The following KSR2 variants were observed in gnomAD, a reference collection of about 807,000 sequenced individuals.
The protein encoded by KSR2 is kinase suppressor of ras 2.
A neutral mutation model predicts 107.8 loss-of-function variants in KSR2; 25 were observed. The ratio of observed to expected loss-of-function variants is 0.23; its 90% CI spans 0.17 to 0.32. KSR2 has a LOEUF of 0.32. Ranked by LOEUF, KSR2 falls within the 10% of genes least tolerant of loss-of-function variation. KSR2 has a pLI of 1.00. For missense variants in KSR2, 887 were observed against 1,268.9 expected, an observed-to-expected ratio of 0.70 and a Z score of 4.57; for synonymous variants, 480 against 507.0, an observed-to-expected ratio of 0.95 and a Z score of 0.71.
chr12:117,918,214 T>C (rs16948034), intron 1 of KSR2, among the ~76,000 whole-genome samples: 19,236 of 152,266 alleles, frequency 0.13, 1,478 homozygotes, highest in South Asian at 0.22. Flanking sequence ...TATGGCTTCC[T>C]TGGCACCTCC....
At chr12:117,670,421 G>A (rs1305574877) in intron 4 of KSR2, among the ~76,000 whole-genome samples, 5 of 152,172 alleles carry the variant, frequency 3.3e-5, no homozygotes, top group Non-Finnish European at 7.3e-5. Flanking sequence ...TAAGGGATGT[G>A]GTGAAGGTGG....
intron 3 of KSR2, among the ~76,000 whole-genome samples, chr12:117,817,848 C>T (rs1891427405): frequency 6.6e-6 from 1 of 152,182 alleles, no homozygotes; most frequent in Non-Finnish European, 1.5e-5. Flanking sequence ...CACCTGTAAT[C>T]CCAGCACTTT....
intron 19 of KSR2, chr12:117,467,958 T>G: frequency 3.0e-6 from 1 of 328,478 alleles, no homozygotes; most frequent in Non-Finnish European, 5.6e-6. Flanking sequence ...CACAATAAAA[T>G]ATAGAAAGAG....
At chr12:117,739,373 A>C (rs1052743286) in intron 4 of KSR2, among the ~76,000 whole-genome samples, 1 of 152,200 alleles carries the variant, frequency 6.6e-6, no homozygotes, top group African/African-American at 2.4e-5. Context: ...AATTGAATAA[A>C]ATTAAAAAAT....
At chr12:117,615,413 C>G (rs1392368163) in intron 5 of KSR2, among the ~76,000 whole-genome samples, 1 of 152,124 alleles carries the variant, frequency 6.6e-6, no homozygotes, top group African/African-American at 2.4e-5. Flanking sequence ...GCTACCAGCC[C>G]CCATTACCTA....
intron 5 of KSR2, among the ~76,000 whole-genome samples, chr12:117,638,320 A>G (rs1198307945): frequency 6.6e-6 from 1 of 152,210 alleles, no homozygotes; most frequent in East Asian, 1.9e-4. Flanking sequence ...AAGATCAACA[A>G]TGAACAACAC....
intron 3 of KSR2, among the ~76,000 whole-genome samples, chr12:117,848,125 A>G (rs956263669): frequency 6.6e-6 from 1 of 152,262 alleles, no homozygotes; most frequent in Non-Finnish European, 1.5e-5. Context: ...GGGAAAGGAA[A>G]GATACAGATG....
chr12:117,951,371 G>A (rs562341464), intron 1 of KSR2, among the ~76,000 whole-genome samples: 30 of 152,136 alleles, frequency 2.0e-4, no homozygotes, highest in Admixed American at 3.9e-4. Context: ...AAACTTGCTC[G>A]GCCTCCTGAT....
chr12:117,667,364 C>T (rs369684211), intron 5 of KSR2, 110 bp downstream of exon 5: 3 of 1,047,942 alleles, frequency 2.9e-6, no homozygotes, highest in African/African-American at 3.2e-5. Flanking sequence ...TTTCACAAGC[C>T]CTTGAGATAA....
intron 1 of KSR2, among the ~76,000 whole-genome samples, chr12:117,942,659 T>C (rs981973076): frequency 1.4e-4 from 20 of 144,254 alleles, no homozygotes; most frequent in Admixed American, 4.9e-4. Flanking sequence ...TGGCTAAATT[T>C]TTTTTGTGTT....
chr12:117,770,255 A>G (rs892529893), intron 3 of KSR2, among the ~76,000 whole-genome samples: 7 of 152,140 alleles, frequency 4.6e-5, no homozygotes, highest in East Asian at 3.9e-4. Flanking sequence ...CCTAAGTCCA[A>G]TGGTTTGTGT....
chr12:117,833,564 T>C (rs1252823351), intron 3 of KSR2, among the ~76,000 whole-genome samples: 3 of 152,180 alleles, frequency 2.0e-5, no homozygotes, highest in Non-Finnish European at 4.4e-5. Flanking sequence ...GGTCTTGCTA[T>C]GTTGCCCAGG....
At chr12:117,666,254 A>G (rs1042758003) in intron 5 of KSR2, among the ~76,000 whole-genome samples, 14 of 152,320 alleles carry the variant, frequency 9.2e-5, no homozygotes, top group African/African-American at 3.1e-4. Context: ...TTCGGGCCCC[A>G]GCCTAACCAT....
intron 1 of KSR2, among the ~76,000 whole-genome samples, chr12:117,902,900 C>A (rs1894732382): frequency 1.3e-5 from 2 of 152,186 alleles, no homozygotes; most frequent in Admixed American, 6.5e-5. Context: ...TGAATCCTGA[C>A]TTTACTGTCT....
chr12:117,865,054 T>C (rs766372194), intron 1 of KSR2, among the ~76,000 whole-genome samples: 8 of 151,632 alleles, frequency 5.3e-5, no homozygotes, highest in Admixed American at 1.3e-4. Flanking sequence ...AGAACGAGAC[T>C]CCATCTCAAA....
intron 3 of KSR2, among the ~76,000 whole-genome samples, chr12:117,787,258 C>T (rs577588440): frequency 6.6e-6 from 1 of 152,296 alleles, no homozygotes; most frequent in South Asian, 2.1e-4. Flanking sequence ...GGCTCTGTAG[C>T]ATCTTGTGGG....
At chr12:117,726,425 G>A (rs78967138) in intron 4 of KSR2, among the ~76,000 whole-genome samples, 1,637 of 152,266 alleles carry the variant, frequency 0.011, 9 homozygotes, top group Non-Finnish European at 0.018. Context: ...GAGATAGGGC[G>A]GGATTTTTCA....
At chr12:117,480,028 ATGTGTGTGTGTGTGTGTG>A (rs55877244) in intron 16 of KSR2, among the ~76,000 whole-genome samples, 1 of 148,538 alleles carries the variant, frequency 6.7e-6, no homozygotes, top group African/African-American at 2.5e-5. Context: ...ACACATGTGT[ATGTGTGTGTGTGTGTGTG>A]TGTGTGTGTG....
At chr12:117,878,500 G>T (rs1402634693) in intron 1 of KSR2, among the ~76,000 whole-genome samples, 1 of 152,154 alleles carries the variant, frequency 6.6e-6, no homozygotes, top group Non-Finnish European at 1.5e-5. Flanking sequence ...AAAATTGGTG[G>T]CAGGTGCTGT....
Sources: gnomAD v4.1 joint callset for allele counts (sites outside exome capture counted in the v4.1 genomes callset) on GRCh38, gnomAD v4.1.1 for gene constraint, MANE v1.5 for transcripts, NCBI Gene and HGNC (gene_info 2026-07-23, HGNC 2026-07-21) for gene names.